Variants in CNTN1 observed in about 807,000 individuals in gnomAD.
CNTN1 encodes the protein contactin 1.
Under a neutral mutation model 126.4 loss-of-function variants are expected in CNTN1, and 38 were observed. The ratio of observed to expected loss-of-function variants is 0.30; its 90% CI spans 0.23 to 0.39. The LOEUF is 0.39. CNTN1 is among the 10% of genes least tolerant of loss of function. The pLI is 1.00. For synonymous variants in CNTN1, 413 were observed against 422.6 expected, an observed-to-expected ratio of 0.98 and a Z score of 0.28; for missense variants, 1,009 against 1,248.4, an observed-to-expected ratio of 0.81 and a Z score of 2.89.
chr12:41,018,710 G>GTA (rs1416355349), intron 19 of CNTN1, among the ~76,000 whole-genome samples: 6 of 149,768 alleles, frequency 4.0e-5, no homozygotes, highest in Non-Finnish European at 8.9e-5. Context: ...GTGTGTGTGT[G>GTA]TGTATGTGTA....
intron 1 of CNTN1, among the ~76,000 whole-genome samples, chr12:40,712,658 G>T (rs1259176932): frequency 6.6e-6 from 1 of 152,046 alleles, no homozygotes; most frequent in Non-Finnish European, 1.5e-5. Flanking sequence ...AAAAATAAAT[G>T]CCTGTTGTAA....
At chr12:40,983,131 T>G (rs1034679633) in intron 16 of CNTN1, among the ~76,000 whole-genome samples, 1 of 152,148 alleles carries the variant, frequency 6.6e-6, no homozygotes. Context: ...CTGATATTAG[T>G]AATAGCCACT....
intron 15 of CNTN1, chr12:40,971,483 C>T (rs749472455): frequency 7.5e-6 from 12 of 1,596,860 alleles, no homozygotes; most frequent in South Asian, 2.2e-5. Flanking sequence ...CCTTTCTCCC[C>T]GTCTGTGCAA....
chr12:41,029,119 C>G lies in CNTN1; in HGVS notation c.2880C>G (p.His960Gln). ...GCAAGCTGTATTCAACTCACAAACACTCCATAGAAGTCCCAATCCCCAGAG... is the reference window on the plus strand; with the variant it reads ...GCAAGCTGTATTCAACTCACAAACAGTCCATAGAAGTCCCAATCCCCAGAG... ...HDGKLYSTHK[H>Q]SIEVPIPRDG... Residue 960 changes from histidine (H) to glutamine (Q), a missense_variant, in exon 23 of 24, where the codon CAC becomes CAG. Transcript: ENST00000551295. 2.5e-6 allele frequency: 4 copies of G among 1,614,076 alleles called. No individual in the cohort carries two copies. Among genetic ancestry groups the G allele is most frequent in the Non-Finnish European group, 3.4e-6 (4 of 1,179,992 alleles).
At chr12:41,013,449 C>T (rs922973783) in intron 17 of CNTN1, among the ~76,000 whole-genome samples, 21 of 152,026 alleles carry the variant, frequency 1.4e-4, no homozygotes, top group African/African-American at 4.6e-4. Context: ...CTCCCATACC[C>T]TTACTTTCTG....
At chr12:40,838,808 G>A (rs1178299581) in intron 1 of CNTN1, among the ~76,000 whole-genome samples, 2 of 152,144 alleles carry the variant, frequency 1.3e-5, no homozygotes, top group Non-Finnish European at 2.9e-5. Context: ...ATAGGAAGAA[G>A]CAACAGTTAC....
In CNTN1 at chr12:41,053,961, G is replaced by T. The variant is rs190883830; in HGVS notation, c.2981-15998G>T. On this transcript the variant is annotated intron_variant, in intron 23 of 23. Coordinates refer to ENST00000551295, the MANE Select transcript of CNTN1 (RefSeq NM_001843.4). ...ATGCCAGCTCTTAATTGTGTTCATG[G>T]AAACTTGTAAAACACTAATCAATAT... 1.1e-3 allele frequency among the ~76,000 whole-genome samples: 173 copies of T among 151,594 alleles called. 1 individual carries two copies. The highest frequency in any genetic ancestry group is 4.0e-3 in the African/African-American group (165 of 41,432).
intron 1 of CNTN1, among the ~76,000 whole-genome samples, chr12:40,733,026 G>A (rs1349175340): frequency 6.6e-6 from 1 of 151,954 alleles, no homozygotes; most frequent in East Asian, 1.9e-4. Flanking sequence ...AATCAGTACG[G>A]AGCCTAGAAG....
chr12:40,981,934 A>G (rs1296295239), intron 16 of CNTN1, among the ~76,000 whole-genome samples: 4 of 150,422 alleles, frequency 2.7e-5, no homozygotes, highest in African/African-American at 1.0e-4. Context: ...CCTTTTTAAA[A>G]AACTAAAAAA....
chr12:41,030,963 A>G (rs1348519418), intron 23 of CNTN1, among the ~76,000 whole-genome samples: 1 of 152,176 alleles, frequency 6.6e-6, no homozygotes, highest in African/African-American at 2.4e-5. Context: ...AAATATGGCC[A>G]TTATTTCAAG....
chr12:40,834,896 A>G (rs1234432512), intron 1 of CNTN1, among the ~76,000 whole-genome samples: 16 of 152,204 alleles, frequency 1.1e-4, no homozygotes, highest in Admixed American at 1.0e-3. Context: ...TAAAATTATT[A>G]TGAGCATACA....
chr12:41,017,046 A>G (rs1948797357), intron 19 of CNTN1, 130 bp downstream of exon 19: 1 of 745,848 alleles, frequency 1.3e-6, no homozygotes, highest in South Asian at 1.5e-5. Flanking sequence ...TTAGTAAATG[A>G]GTACTATTTT....
chr12:40,716,109 T>G (rs553101165), intron 1 of CNTN1, among the ~76,000 whole-genome samples: 1 of 152,186 alleles, frequency 6.6e-6, no homozygotes, highest in African/African-American at 2.4e-5. Flanking sequence ...AAAAAAAATC[T>G]AAGGAAAGAA....
At position 40,972,294 on chromosome 12, in the gene CNTN1, T is replaced by C. The variant is rs193069175; in HGVS notation, c.1805-8615T>C. 31 of 985,326 alleles carry C rather than the reference T, an allele frequency of 3.1e-5. No individual in the cohort carries two copies. In the East Asian group the frequency reaches 3.2e-3, roughly 101 times the overall value. 61.0% of individuals were successfully genotyped at this position (985,326 alleles called of 1,614,324 possible). A position where few individuals can be genotyped will look rare whatever the true frequency, so the allele number is the denominator to read the frequency against. ...GGAGGACTTGAGTAGAAGTGGATGA[T>C]TAAAATTGAGGAGTATATAATTCTT... On this transcript the variant is annotated intron_variant, in intron 15 of 23. Transcript: ENST00000551295.
rs188347173 is a variant in CNTN1 at position 40,752,317 on chromosome 12, T to A, written c.-77+59725T>A. Reference sequence around the variant, plus strand: ...TACAACGTGTGTAGCACATTCATTGTCCTTTGAATAATACTCTGTTGCTTG... The same window carrying A: ...TACAACGTGTGTAGCACATTCATTGACCTTTGAATAATACTCTGTTGCTTG... On this transcript the variant is annotated intron_variant, in intron 1 of 23. Coordinates refer to ENST00000551295, the MANE Select transcript of CNTN1 (RefSeq NM_001843.4). Among the ~76,000 whole-genome samples, 73 of 152,250 alleles carry A rather than the reference T, an allele frequency of 4.8e-4. 1 individual carries two copies. In the East Asian group the frequency reaches 0.013, roughly 28 times the overall value.
intron 1 of CNTN1, among the ~76,000 whole-genome samples, chr12:40,887,905 A>G (rs11837594): frequency 1.1e-3 from 162 of 151,718 alleles, no homozygotes; most frequent in African/African-American, 3.7e-3. Flanking sequence ...TCAGCAAACT[A>G]TCGCAAGGAC....
chr12:40,802,806 A>G (rs145199987), intron 1 of CNTN1, among the ~76,000 whole-genome samples: 1 of 152,038 alleles, frequency 6.6e-6, no homozygotes, highest in Non-Finnish European at 1.5e-5. Flanking sequence ...AGCAGATATT[A>G]TCATTCTTGG....
chr12:40,944,697 T>C (rs1007125978), intron 14 of CNTN1, among the ~76,000 whole-genome samples: 1 of 150,118 alleles, frequency 6.7e-6, no homozygotes, highest in African/African-American at 2.4e-5. Flanking sequence ...TAGTTAAACA[T>C]AGTGATATAG....
chr12:40,916,170 ATTAT>A (rs2136844215), intron 3 of CNTN1, among the ~76,000 whole-genome samples: 1 of 152,300 alleles, frequency 6.6e-6, no homozygotes, highest in African/African-American at 2.4e-5. Flanking sequence ...CACTAAAGTC[ATTAT>A]TTATCAAGGA....
Sources: gnomAD v4.1 joint callset for allele counts (sites outside exome capture counted in the v4.1 genomes callset) on GRCh38, gnomAD v4.1.1 for gene constraint, MANE v1.5 for transcripts, NCBI Gene and HGNC (gene_info 2026-07-23, HGNC 2026-07-21) for gene names.